PCDHA4: variants seen among roughly 807,000 people sequenced by gnomAD.
PCDHA4 encodes the protein protocadherin alpha-4.
PCDHA4 carries 49 observed loss-of-function variants against 61.4 expected under a neutral mutation model. The observed-to-expected ratio is 0.80, with a 90% CI of 0.63 to 1.01. The LOEUF is 1.01. Ranked by LOEUF, PCDHA4 falls within the 50% of genes least tolerant of loss-of-function variation. The pLI, the probability that PCDHA4 is intolerant of heterozygous loss-of-function variation, is 0.00. For missense variants in PCDHA4, 1,254 were observed against 1,235.8 expected (o/e 1.01, Z -0.22); for synonymous variants, 590 against 550.3 (o/e 1.07, Z -1.01).
intron 3 of PCDHA4, among the ~76,000 whole-genome samples, chr5:140,984,674 G>A (rs2097114009): frequency 6.6e-6 from 1 of 152,090 alleles, no homozygotes; most frequent in Non-Finnish European, 1.5e-5. Context: ...AGGTTTTTAG[G>A]ACTCAATATA....
intron 1 of PCDHA4, chr5:140,813,185 C>T (rs2126644563): frequency 6.6e-6 from 1 of 152,272 alleles, no homozygotes; most frequent in Middle Eastern, 3.4e-3. Context: ...AAGTCCTCTG[C>T]TTCCTTGCTG....
At chr5:140,867,614 T>C (rs1157399169) in intron 1 of PCDHA4, 3 of 152,134 alleles carry the variant, frequency 2.0e-5, no homozygotes, top group Non-Finnish European at 2.9e-5. Context: ...ATCAAAACTA[T>C]AGAACAAAAT....
intron 1 of PCDHA4, chr5:140,869,217 G>A: frequency 1.2e-6 from 2 of 1,613,842 alleles, no homozygotes; most frequent in South Asian, 1.1e-5. Context: ...TCTCGGAGGA[G>A]GCCAAACACG....
intron 1 of PCDHA4, among the ~76,000 whole-genome samples, chr5:140,832,930 G>T (rs537948111): frequency 6.6e-6 from 1 of 152,150 alleles, no homozygotes; most frequent in Non-Finnish European, 1.5e-5. Context: ...GTATTCATGA[G>T]AAGAGAGTAA....
intron 1 of PCDHA4, chr5:140,967,039 G>GCTGGAC (rs1192512561): frequency 1.2e-6 from 2 of 1,611,626 alleles, no homozygotes; most frequent in Non-Finnish European, 1.7e-6. Flanking sequence ...GCTACCTGGA[G>GCTGGAC]CTGGACCTGA....
chr5:140,828,685 A>T, intron 1 of PCDHA4: 2 of 1,614,252 alleles, frequency 1.2e-6, no homozygotes, highest in Non-Finnish European at 1.7e-6. Context: ...TATTAAAGAA[A>T]TCCTTGGACA....
At chr5:140,949,271 TGAAAA>T (rs1377326965) in intron 1 of PCDHA4, among the ~76,000 whole-genome samples, 5 of 151,804 alleles carry the variant, frequency 3.3e-5, no homozygotes, top group Non-Finnish European at 5.9e-5. Flanking sequence ...CACGTGCACT[TGAAAA>T]GAATGTATAT....
chr5:141,009,597 G>A (rs1284925593), intron 3 of PCDHA4, 30 bp from the exon 4 acceptor site: 1 of 1,605,790 alleles, frequency 6.2e-7, no homozygotes, highest in Non-Finnish European at 8.5e-7. Flanking sequence ...TGTTGACCCT[G>A]TTAATGATTT....
chr5:140,819,979 G>A (rs1293437924), intron 1 of PCDHA4, among the ~76,000 whole-genome samples: 1 of 151,726 alleles, frequency 6.6e-6, no homozygotes, highest in Non-Finnish European at 1.5e-5. Context: ...GGTTATCTTT[G>A]TGTATTTTGT....
chr5:140,968,823 A>G (rs569036779), intron 1 of PCDHA4: 3 of 1,614,192 alleles, frequency 1.9e-6, no homozygotes, highest in Non-Finnish European at 2.5e-6. Context: ...AGGGTTTCCA[A>G]AATCCTCCCT....
intron 3 of PCDHA4, among the ~76,000 whole-genome samples, chr5:140,996,776 A>G (rs1554255393): frequency 6.6e-6 from 1 of 152,206 alleles, no homozygotes; most frequent in Non-Finnish European, 1.5e-5. Flanking sequence ...TAAAATGAGT[A>G]GTGCCTCACT....
At chr5:140,832,820 T>C (rs1554133674) in intron 1 of PCDHA4, among the ~76,000 whole-genome samples, 1 of 152,208 alleles carries the variant, frequency 6.6e-6, no homozygotes, top group East Asian at 1.9e-4. Context: ...AAAAAAATCT[T>C]TGCCTTTTTC....
intron 1 of PCDHA4, among the ~76,000 whole-genome samples, chr5:140,963,054 T>G (rs1554226381): frequency 6.6e-6 from 1 of 152,174 alleles, no homozygotes; most frequent in Non-Finnish European, 1.5e-5. Flanking sequence ...TATAAGGGTT[T>G]CTACATTGTG....
At chr5:140,852,926 T>A in intron 1 of PCDHA4, 3 of 649,848 alleles carry the variant, frequency 4.6e-6, no homozygotes, top group Non-Finnish European at 5.9e-6. Flanking sequence ...TTGCCCAGGC[T>A]GGAGTGCAGT....
At chr5:140,858,080 T>C in intron 1 of PCDHA4, 1 of 1,597,738 alleles carries the variant, frequency 6.3e-7, no homozygotes, top group Non-Finnish European at 8.6e-7. Flanking sequence ...ACCCAAGGCC[T>C]CGTCGCGGGC....
At chr5:140,927,714 C>G (rs111315855) in intron 1 of PCDHA4, 1 of 1,614,198 alleles carries the variant, frequency 6.2e-7, no homozygotes. Flanking sequence ...CCCTAAGCAA[C>G]AGCACGCAAG....
intron 1 of PCDHA4, among the ~76,000 whole-genome samples, chr5:140,941,953 C>A (rs1166757165): frequency 6.6e-6 from 1 of 152,054 alleles, no homozygotes; most frequent in Non-Finnish European, 1.5e-5. Flanking sequence ...GTTTTGAAAA[C>A]AATAGTATCT....
At chr5:140,841,343 G>T (rs1554138115) in intron 1 of PCDHA4, 1 of 1,612,324 alleles carries the variant, frequency 6.2e-7, no homozygotes, top group Non-Finnish European at 8.5e-7. Context: ...CTGGCGAGGA[G>T]AGCTGGGATC....
Position 140,821,826 on chromosome 5 carries a change from G to T in PCDHA4, c.2385+12254G>T, listed in dbSNP as rs1554128222. 4 of 1,613,992 alleles carry T rather than the reference G, an allele frequency of 2.5e-6. No homozygotes were observed. In the East Asian group the frequency reaches 6.7e-5, roughly 27 times the overall value. ...TGGGATCCCGGCTCCTGCTGCTCTG[G>T]CTTCTCCTTGCCTACTGGAAGGCAG... is the stretch of plus-strand genomic sequence containing the variant. On this transcript the variant is annotated intron_variant, in intron 1 of 3. Coordinates refer to ENST00000530339, the MANE Select transcript of PCDHA4 (RefSeq NM_018907.4).
Sources: gnomAD v4.1 joint callset for allele counts (sites outside exome capture counted in the v4.1 genomes callset) on GRCh38, gnomAD v4.1.1 for gene constraint, MANE v1.5 for transcripts, NCBI Gene and HGNC (gene_info 2026-07-23, HGNC 2026-07-21) for gene names.